Variants in FAM163A observed in about 807,000 individuals in gnomAD.
The protein encoded by FAM163A is protein FAM163A.
FAM163A carries 7 observed loss-of-function variants against 12.0 expected under a neutral mutation model. The ratio of observed to expected loss-of-function variants is 0.58; its 90% CI spans 0.33 to 1.10. The LOEUF is 1.10. Ranked by LOEUF, FAM163A falls within the 50% of genes least tolerant of loss-of-function variation. The pLI is 0.03. For missense variants in FAM163A, 202 were observed against 218.6 expected (o/e 0.92, Z 0.48); for synonymous variants, 101 against 91.0 (o/e 1.11, Z -0.62).
At chr1:179,747,005 T>G (rs904584305) in intron 1 of FAM163A, among the ~76,000 whole-genome samples, 7 of 152,288 alleles carry the variant, frequency 4.6e-5, no homozygotes, top group Middle Eastern at 3.4e-3. Flanking sequence ...TCTATTGCCC[T>G]AATGTTCCCT....
intron 1 of FAM163A, among the ~76,000 whole-genome samples, chr1:179,785,017 A>G (rs1009351421): frequency 1.2e-4 from 19 of 152,206 alleles, no homozygotes; most frequent in African/African-American, 4.3e-4. Context: ...GGACAAATAA[A>G]TATAGAACAT....
intron 1 of FAM163A, among the ~76,000 whole-genome samples, chr1:179,773,679 G>A (rs957306549): frequency 2.4e-4 from 36 of 152,314 alleles, no homozygotes; most frequent in African/African-American, 8.2e-4. Flanking sequence ...TCATGACCTA[G>A]CAGTAAGGTG....
chr1:179,809,646 T>C (rs1390918817), intron 2 of FAM163A, among the ~76,000 whole-genome samples: 1 of 152,146 alleles, frequency 6.6e-6, no homozygotes, highest in Non-Finnish European at 1.5e-5. Context: ...ACTGTTCTTA[T>C]ACAGCTTCTC....
the FAM163A span, among the ~76,000 whole-genome samples, chr1:179,737,533 C>A: frequency 2.0e-5 from 3 of 152,080 alleles, no homozygotes; most frequent in African/African-American, 7.2e-5. Context: ...ACGAACGCCC[C>A]ATCAAAAAAG....
intron 1 of FAM163A, among the ~76,000 whole-genome samples, chr1:179,776,150 C>A (rs1302633370): frequency 2.0e-5 from 3 of 152,034 alleles, no homozygotes; most frequent in Non-Finnish European, 4.4e-5. Flanking sequence ...GTGCCAGGTG[C>A]TGAAGAGATA....
intron 1 of FAM163A, among the ~76,000 whole-genome samples, chr1:179,748,406 A>T (rs1478133751): frequency 1.3e-5 from 2 of 152,180 alleles, no homozygotes; most frequent in Non-Finnish European, 1.5e-5. Context: ...TTAGTTTTTA[A>T]AAAAAATCAC....
In FAM163A at chr1:179,770,256, G is replaced by C. The variant is rs147334194; in HGVS notation, c.-136+26833G>C. 1.2e-4 allele frequency among the ~76,000 whole-genome samples: 19 copies of C among 152,132 alleles called. No individual in the cohort carries two copies. In the East Asian group the frequency reaches 2.3e-3, roughly 19 times the overall value. ...TCTATATCCAACCAATGCTGTGATT[G>C]AATTTGCCTCCTAAATACCTCATAT... On this transcript the variant is annotated intron_variant, in intron 1 of 4. Coordinates refer to ENST00000341785, the MANE Select transcript of FAM163A (RefSeq NM_173509.3).
chr1:179,774,766 G>A (rs964053909), intron 1 of FAM163A, among the ~76,000 whole-genome samples: 3 of 152,116 alleles, frequency 2.0e-5, no homozygotes, highest in Non-Finnish European at 2.9e-5. Context: ...GTTTCCACCC[G>A]CAGACCCTGG....
chr1:179,757,621 G>A (rs1686209497), intron 1 of FAM163A, among the ~76,000 whole-genome samples: 2 of 152,272 alleles, frequency 1.3e-5, no homozygotes, highest in South Asian at 4.2e-4. Flanking sequence ...AGACCAGACT[G>A]GCCAACATGG....
intron 1 of FAM163A, among the ~76,000 whole-genome samples, chr1:179,756,699 G>T (rs1440196061): frequency 6.6e-6 from 1 of 152,200 alleles, no homozygotes; most frequent in Non-Finnish European, 1.5e-5. Context: ...CCTAAGGCAG[G>T]CATGGTGAGG....
At position 179,813,178 on chromosome 1, in the gene FAM163A, C is replaced by T. The variant is rs376833755; in HGVS notation, c.81C>T (p.Tyr27=). ...TCTGCATCATTGCCGTCCTGTGCTACTGCAGGCTCCAGGTCAGTCCCCGGG... is the reference window on the plus strand; with the variant it reads ...TCTGCATCATTGCCGTCCTGTGCTATTGCAGGCTCCAGGTCAGTCCCCGGG... ...ILLCIIAVLC[Y]CRLQYYCCKK... is the part of the protein sequence containing the mutation. The change falls in exon 4 of 5, where the codon TAC becomes TAT. Residue 27 remains tyrosine (Y), a synonymous_variant. Coordinates refer to ENST00000341785, the MANE Select transcript of FAM163A (RefSeq NM_173509.3). 1.7e-5 allele frequency: 26 copies of T among 1,551,808 alleles called. No homozygotes were observed. In the South Asian group the frequency reaches 2.5e-4, roughly 15 times the overall value.
intron 1 of FAM163A, among the ~76,000 whole-genome samples, chr1:179,752,234 T>G (rs541722314): frequency 2.3e-3 from 355 of 152,228 alleles, no homozygotes; most frequent in Admixed American, 3.5e-3. Flanking sequence ...TTAGCAAAAC[T>G]GGATATCCCC....
At chr1:179,735,782 C>A in the FAM163A span, among the ~76,000 whole-genome samples, 64 of 152,180 alleles carry the variant, frequency 4.2e-4, no homozygotes, top group African/African-American at 1.5e-3. Context: ...GGATAACAGG[C>A]GTGAGCCACC....
At chr1:179,767,455 A>G (rs751464822) in intron 1 of FAM163A, among the ~76,000 whole-genome samples, 1 of 152,170 alleles carries the variant, frequency 6.6e-6, no homozygotes, top group Non-Finnish European at 1.5e-5. Flanking sequence ...CACGGCTGCC[A>G]GTATACTACA....
chr1:179,758,091 T>C (rs1463575657), intron 1 of FAM163A, among the ~76,000 whole-genome samples: 1 of 152,034 alleles, frequency 6.6e-6, no homozygotes, highest in Non-Finnish European at 1.5e-5. Context: ...ATCTCGAGGG[T>C]ATATTAAAAG....
intron 3 of FAM163A, 27 bp from the exon 4 acceptor site, chr1:179,813,049 T>G: frequency 6.5e-7 from 1 of 1,542,800 alleles, no homozygotes; most frequent in Non-Finnish European, 8.8e-7. Flanking sequence ...CCACAGCTGG[T>G]CCTCAGCCCT....
At chr1:179,803,893 G>A (rs1693549304) in intron 1 of FAM163A, 1 of 150,406 alleles carries the variant, frequency 6.6e-6, no homozygotes, top group African/African-American at 2.4e-5. Context: ...CCACTTTATT[G>A]GCTCCATCCC....
chr1:179,811,051 A>AG (rs760420165), intron 2 of FAM163A, among the ~76,000 whole-genome samples: 2 of 152,166 alleles, frequency 1.3e-5, no homozygotes, highest in Non-Finnish European at 2.9e-5. Context: ...TCCAAAAAAA[A>AG]GAACAGTGGG....
chr1:179,761,238 T>C (rs146298643), intron 1 of FAM163A, among the ~76,000 whole-genome samples: 2 of 152,380 alleles, frequency 1.3e-5, no homozygotes, highest in African/African-American at 4.8e-5. Context: ...GACAGAGTTA[T>C]AGCAAATTTT....
Sources: allele counts gnomAD v4.1 joint callset (sites outside exome capture counted in the v4.1 genomes callset), GRCh38; gene constraint gnomAD v4.1.1; transcripts MANE v1.5; gene names NCBI Gene and HGNC (gene_info 2026-07-23, HGNC 2026-07-21).